The following CDKAL1 variants were observed in gnomAD, a reference collection of about 807,000 sequenced individuals.
CDKAL1 encodes threonylcarbamoyladenosine tRNA methylthiotransferase.
CDKAL1 carries 32 observed loss-of-function variants against 68.2 expected under a neutral mutation model. The ratio of observed to expected loss-of-function variants is 0.47; its 90% CI spans 0.35 to 0.63. The LOEUF (loss-of-function observed/expected upper bound fraction) is 0.63, where lower values mean the gene tolerates loss of function less well. CDKAL1 is among the 30% of genes least tolerant of loss of function. CDKAL1 has a pLI of 0.00. For synonymous variants in CDKAL1, 234 were observed against 244.3 expected (o/e 0.96, Z 0.39); for missense variants, 606 against 696.7 (o/e 0.87, Z 1.47).
intron 9 of CDKAL1, among the ~76,000 whole-genome samples, chr6:20,889,687 C>T (rs1761281510): frequency 6.6e-6 from 1 of 152,130 alleles, no homozygotes; most frequent in Non-Finnish European, 1.5e-5. Context: ...GGTGTTATTT[C>T]TGAGTGCTCT....
intron 4 of CDKAL1, among the ~76,000 whole-genome samples, chr6:20,617,005 A>C (rs1209982127): frequency 1.4e-5 from 2 of 147,932 alleles, no homozygotes; most frequent in Non-Finnish European, 3.0e-5. Context: ...GCACCACTGC[A>C]CTCCAGGCTG....
chr6:21,014,318 C>T (rs185041201), intron 11 of CDKAL1, among the ~76,000 whole-genome samples: 2 of 152,096 alleles, frequency 1.3e-5, no homozygotes, highest in Non-Finnish European at 2.9e-5. Flanking sequence ...CTAAAAAGTT[C>T]TCGGGCCGGG....
chr6:20,753,449 A>C (rs935677532), intron 6 of CDKAL1, among the ~76,000 whole-genome samples: 1 of 152,214 alleles, frequency 6.6e-6, no homozygotes, highest in African/African-American at 2.4e-5. Flanking sequence ...ACCATTGTGT[A>C]TCAGCTGCCT....
chr6:20,995,273 G>A (rs905305173), intron 10 of CDKAL1, among the ~76,000 whole-genome samples: 5 of 152,058 alleles, frequency 3.3e-5, no homozygotes, highest in Non-Finnish European at 7.4e-5. Context: ...TTGATATTTT[G>A]TTCTCCTCCC....
At chr6:21,155,690 T>C (rs1353457637) in intron 13 of CDKAL1, among the ~76,000 whole-genome samples, 1 of 152,244 alleles carries the variant, frequency 6.6e-6, no homozygotes, top group Admixed American at 6.5e-5. Flanking sequence ...CTTTGCAATT[T>C]GGTGATTATT....
intron 5 of CDKAL1, among the ~76,000 whole-genome samples, chr6:20,727,186 T>A (rs897323864): frequency 1.3e-5 from 2 of 152,160 alleles, no homozygotes; most frequent in Non-Finnish European, 2.9e-5. Flanking sequence ...GGTAACTGTT[T>A]CCTTAACTTT....
rs1014411244 is a variant in CDKAL1 at position 20,998,338 on chromosome 6, G to A, written c.910-1889G>A. The stretch of plus-strand genomic sequence containing the variant: ...TACAAAGAGGCTGCTGAGGCCAGGC[G>A]CGGTGGCTCACGCCTGTAATCCCAG... On this transcript the variant is annotated intron_variant, in intron 10 of 15. Coordinates refer to ENST00000274695, the MANE Select transcript of CDKAL1 (RefSeq NM_017774.3). Among the ~76,000 whole-genome samples the A allele has an allele frequency of 2.4e-4, 37 of 152,160 alleles. 1 individual carries two copies. Among genetic ancestry groups the A allele is most frequent in the Admixed American group, 2.0e-3 (31 of 15,278 alleles).
intron 11 of CDKAL1, among the ~76,000 whole-genome samples, chr6:21,034,749 C>CA (rs1441373250): frequency 6.6e-6 from 1 of 151,764 alleles, no homozygotes; most frequent in African/African-American, 2.4e-5. Flanking sequence ...TTCATCCAAG[C>CA]AAAAAATGGA....
chr6:20,990,646 T>C (rs1766743193), intron 10 of CDKAL1, among the ~76,000 whole-genome samples: 1 of 152,254 alleles, frequency 6.6e-6, no homozygotes, highest in Non-Finnish European at 1.5e-5. Flanking sequence ...CGCTCCCTCA[T>C]TCACTTTCTG....
At chr6:21,020,528 C>T (rs1768589883) in intron 11 of CDKAL1, among the ~76,000 whole-genome samples, 1 of 152,022 alleles carries the variant, frequency 6.6e-6, no homozygotes, top group African/African-American at 2.4e-5. Flanking sequence ...AGTGCAATGG[C>T]ACTATCTTGG....
At chr6:21,041,851 T>C (rs1769951202) in intron 11 of CDKAL1, among the ~76,000 whole-genome samples, 1 of 152,194 alleles carries the variant, frequency 6.6e-6, no homozygotes, top group Admixed American at 6.5e-5. Context: ...TCCTTCATGT[T>C]TCATGTGTAT....
intron 13 of CDKAL1, among the ~76,000 whole-genome samples, chr6:21,158,720 A>G (rs59232142): frequency 0.011 from 1,740 of 152,340 alleles, 24 homozygotes; most frequent in African/African-American, 0.039. Flanking sequence ...TAAGTCTAGA[A>G]ACTTAATGTG....
intron 5 of CDKAL1, among the ~76,000 whole-genome samples, chr6:20,706,669 A>G (rs935227644): frequency 3.9e-5 from 6 of 152,226 alleles, no homozygotes; most frequent in Non-Finnish European, 8.8e-5. Context: ...TATCATTTAA[A>G]TATCTGTTAT....
intron 9 of CDKAL1, among the ~76,000 whole-genome samples, chr6:20,926,389 A>G (rs1763188874): frequency 6.6e-6 from 1 of 152,146 alleles, no homozygotes; most frequent in Admixed American, 6.6e-5. Flanking sequence ...CTGTGGAGAA[A>G]TTCAGTGAAA....
chr6:20,794,541 A>G (rs1303720208), intron 8 of CDKAL1, among the ~76,000 whole-genome samples: 1 of 152,160 alleles, frequency 6.6e-6, no homozygotes, highest in Non-Finnish European at 1.5e-5. Flanking sequence ...TTGTAGCCCC[A>G]TGGCCAAATA....
rs34764667 is a variant in CDKAL1 at position 21,098,534 on chromosome 6, CTTTTTTTTT to C, written c.1237-9851_1237-9843del. Reference sequence around the variant, plus strand: ...GTTATGAGGTTAAACGGGTACACAGCTTTTTTTTTTTTTTTTTTTTTTTTGGCCGTCACC... The same window carrying C: ...GTTATGAGGTTAAACGGGTACACAGCTTTTTTTTTTTTTTTGGCCGTCACC... On this transcript the variant is annotated intron_variant, in intron 12 of 15. Transcript: ENST00000274695. Among the ~76,000 whole-genome samples the C allele has an allele frequency of 6.2e-5, 5 of 80,964 alleles. No homozygotes were observed. The South Asian group carries it at 2.6e-3, about 42-fold the overall frequency. The allele number at this position is 80,964 out of a possible 152,430, so 53.1% of individuals were successfully genotyped here.
chr6:20,903,981 C>T lies in CDKAL1; in HGVS notation c.743-51438C>T, dbSNP rs143732759. On this transcript the variant is annotated intron_variant, in intron 9 of 15. Transcript: ENST00000274695. ...ATGGTGAATTGTGGTTATGTTTGGT[C>T]CTTAGCATGGTAGCAGCTACACACC... Among the ~76,000 whole-genome samples, 238 of 152,252 alleles carry T rather than the reference C, an allele frequency of 1.6e-3. 1 individual carries two copies. Among genetic ancestry groups the T allele is most frequent in the African/African-American group, 5.2e-3 (218 of 41,536 alleles).
intron 7 of CDKAL1, among the ~76,000 whole-genome samples, chr6:20,777,236 A>G (rs764799987): frequency 1.3e-5 from 2 of 152,254 alleles, no homozygotes; most frequent in Non-Finnish European, 2.9e-5. Flanking sequence ...GCACTGAATG[A>G]TAACTTGGAT....
At chr6:20,762,208 C>A (rs2150353306) in intron 7 of CDKAL1, among the ~76,000 whole-genome samples, 1 of 152,288 alleles carries the variant, frequency 6.6e-6, no homozygotes, top group East Asian at 1.9e-4. Flanking sequence ...CTGAGTTAAT[C>A]ATGGATAGCT....
Sources: gnomAD v4.1 joint callset for allele counts (sites outside exome capture counted in the v4.1 genomes callset) on GRCh38, gnomAD v4.1.1 for gene constraint, MANE v1.5 for transcripts, NCBI Gene and HGNC (gene_info 2026-07-23, HGNC 2026-07-21) for gene names.